TSPAN1: variants seen among roughly 807,000 people sequenced by gnomAD.
TSPAN1 encodes the protein tetraspanin 1.
A neutral mutation model predicts 26.9 loss-of-function variants in TSPAN1; 23 were observed. That is an observed-to-expected ratio of 0.85 (90% CI 0.62 to 1.21). The LOEUF (loss-of-function observed/expected upper bound fraction) is 1.21, where lower values mean the gene tolerates loss of function less well. Among genes scored for constraint, TSPAN1 ranks in the 50% most tolerant of loss-of-function variants. The pLI is 0.00. For synonymous variants in TSPAN1, 115 were observed against 114.8 expected, an observed-to-expected ratio of 1.00 and a Z score of -0.01; for missense variants, 283 against 298.4, an observed-to-expected ratio of 0.95 and a Z score of 0.38.
At chr1:46,184,470 C>A in intron 4 of TSPAN1, 73 bp downstream of exon 4, 1 of 1,609,412 alleles carries the variant, frequency 6.2e-7, no homozygotes, top group Non-Finnish European at 8.5e-7. Context: ...CTGGGATTCC[C>A]AAACCCTGCT....
At chr1:46,196,022 T>C in the TSPAN1 span, 7 of 1,614,006 alleles carry the variant, frequency 4.3e-6, no homozygotes, top group Admixed American at 3.3e-5. The surrounding 1 kb of genome is among the most constrained non-coding windows in gnomAD (Gnocchi z 4.4). Flanking sequence ...CGTGGCCTGG[T>C]TGAGGACAAT....
chr1:46,193,248 T>C, the TSPAN1 span: 1 of 1,614,052 alleles, frequency 6.2e-7, no homozygotes, highest in Non-Finnish European at 8.5e-7. Context: ...GCACATGAGC[T>C]TTAGGGTAGA....
chr1:46,193,184 T>G, the TSPAN1 span: 23 of 1,614,072 alleles, frequency 1.4e-5, no homozygotes, highest in Non-Finnish European at 1.9e-5. Flanking sequence ...CGGAAACAGG[T>G]TGAAAGTGGC....
At chr1:46,194,875 C>T in the TSPAN1 span, 5 of 1,614,166 alleles carry the variant, frequency 3.1e-6, no homozygotes, top group South Asian at 5.5e-5. Flanking sequence ...CCCATGTGTC[C>T]CTCCAGCCCA....
the TSPAN1 span, chr1:46,192,604 G>A: frequency 6.2e-7 from 1 of 1,613,626 alleles, no homozygotes; most frequent in Non-Finnish European, 8.5e-7. Flanking sequence ...AGAGAGGCAG[G>A]GTCAAAGAGT....
the TSPAN1 span, chr1:46,191,878 C>A: frequency 1.8e-6 from 1 of 559,922 alleles, no homozygotes; most frequent in Non-Finnish European, 3.1e-6. Flanking sequence ...TTGTGATCCA[C>A]CCGCATCGGC....
chr1:46,193,186 G>A, the TSPAN1 span: 1 of 1,614,226 alleles, frequency 6.2e-7, no homozygotes, highest in Non-Finnish European at 8.5e-7. Context: ...GAAACAGGTT[G>A]AAAGTGGCAG....
chr1:46,185,100 C>T lies in TSPAN1; in HGVS notation c.579C>T (p.His193=), dbSNP rs768656351. The T allele has an allele frequency of 4.6e-5, 74 of 1,614,054 alleles. No individual in the cohort carries two copies. In the Middle Eastern group the frequency reaches 4.9e-4, roughly 11 times the overall value. The change falls in exon 7 of 9, where the codon CAC becomes CAT. Residue 193 remains histidine, a synonymous_variant. Coordinates refer to ENST00000372003, the MANE Select transcript of TSPAN1 (RefSeq NM_005727.4). The stretch of plus-strand genomic sequence containing the variant: ...AAACCTGCACCAAGCAAAAGGCTCA[C>T]GACCAAAAAGTAGAGGTGTGGGCTG... ...ANETCTKQKA[H]DQKVEGCFNQ...
chr1:46,190,180 G>C, downstream of TSPAN1: 1 of 722,956 alleles, frequency 1.4e-6, no homozygotes, highest in Non-Finnish European at 2.2e-6. Flanking sequence ...AAGTAGCTGG[G>C]ACTACAGGCG....
rs766275690 is a variant in TSPAN1 at position 46,176,463 on chromosome 1, T to A, written c.-142+1054T>A. ...GCCGAGGGCCACGGACAAGCCGAGA[T>A]GGCCCCATGGGCACAGGGAGCTTCT... On this transcript the variant is annotated intron_variant, in intron 1 of 8. Coordinates refer to ENST00000372003, the MANE Select transcript of TSPAN1 (RefSeq NM_005727.4). The A allele has an allele frequency of 1.0e-5, 16 of 1,535,560 alleles. No homozygotes were observed. In the South Asian group the frequency reaches 1.7e-4, roughly 16 times the overall value.
chr1:46,189,901 G>T (rs386834018), downstream of TSPAN1: 20 of 1,613,900 alleles, frequency 1.2e-5, no homozygotes, highest in Non-Finnish European at 1.6e-5. Flanking sequence ...TTCTCCATTC[G>T]AATAAAGGCC....
chr1:46,188,216 T>C (rs1227402112), downstream of TSPAN1, among the ~76,000 whole-genome samples: 1 of 152,180 alleles, frequency 6.6e-6, no homozygotes, highest in Non-Finnish European at 1.5e-5. Context: ...ATAGACACCC[T>C]TGCTCCTACA....
chr1:46,192,257 G>T, the TSPAN1 span: 1 of 1,614,166 alleles, frequency 6.2e-7, no homozygotes, highest in Non-Finnish European at 8.5e-7. Flanking sequence ...AGGTTAAGAT[G>T]TTTCGAGTTG....
the TSPAN1 span, chr1:46,192,623 G>A: frequency 2.5e-6 from 4 of 1,611,992 alleles, no homozygotes; most frequent in South Asian, 4.4e-5. Flanking sequence ...GTTCAGGGAG[G>A]GACAAGGATA....
downstream of TSPAN1, chr1:46,188,689 G>C (rs1463885556): frequency 1.9e-6 from 3 of 1,594,218 alleles, no homozygotes; most frequent in Non-Finnish European, 2.6e-6. Context: ...CATCCCCAGA[G>C]GGCTTCTCCT....
chr1:46,180,696 T>G, intron 2 of TSPAN1, 38 bp downstream of exon 2: 1 of 196,176 alleles, frequency 5.1e-6, no homozygotes. Flanking sequence ...TGTGAAGTGA[T>G]ATCGATCTGG....
Sources: gnomAD v4.1 joint callset for allele counts (sites outside exome capture counted in the v4.1 genomes callset) on GRCh38, gnomAD v4.1.1 for gene constraint, Gnocchi (gnomAD v3.1) non-coding constraint, MANE v1.5 for transcripts, NCBI Gene and HGNC (gene_info 2026-07-23, HGNC 2026-07-21) for gene names.